PRDM15: variants seen among roughly 807,000 people sequenced by gnomAD.
The protein encoded by PRDM15 is PR domain zinc finger protein 15.
Under a neutral mutation model 128.6 loss-of-function variants are expected in PRDM15, and 64 were observed. The ratio of observed to expected loss-of-function variants is 0.50; its 90% CI spans 0.41 to 0.61. The LOEUF (loss-of-function observed/expected upper bound fraction) is 0.61, where lower values mean the gene tolerates loss of function less well. Among genes scored for constraint, PRDM15 ranks in the 20% least tolerant of loss-of-function variants. The probability of loss-of-function intolerance (pLI) is 0.00; values close to 1 mark genes in which losing one functional copy is unlikely to be tolerated. For missense variants in PRDM15, 1,242 were observed against 1,569.1 expected (o/e 0.79, Z 3.52); for synonymous variants, 615 against 621.8 (o/e 0.99, Z 0.16).
At chr21:41,839,969 A>G (rs2063023761) in intron 6 of PRDM15, 116 bp from the exon 7 acceptor site, 1 of 775,938 alleles carries the variant, frequency 1.3e-6, no homozygotes, top group Non-Finnish European at 2.1e-6. Context: ...CAACCTTTGT[A>G]TAGGCAAGTG....
At position 41,811,019 on chromosome 21, in the gene PRDM15, G is replaced by A; in HGVS notation, c.2393-183C>T. The A allele has an allele frequency of 1.7e-6, 1 of 579,598 alleles. No individual in the cohort carries two copies. 35.9% of individuals were successfully genotyped at this position (579,598 alleles called of 1,614,324 possible). A position where few individuals can be genotyped will look rare whatever the true frequency, so the allele number is the denominator to read the frequency against. On this transcript the variant is annotated intron_variant, in intron 19 of 23. Coordinates refer to ENST00000398548, the MANE Select transcript of PRDM15 (RefSeq NM_001040424.3). This position sits in a 1 kb window ranked among gnomAD's most constrained non-coding sequence, Gnocchi z 4.1. ...CGGCCAGCAAAGTGTGGCTTGGAAA[G>A]TTTATGCTTCCATAGTGACATTTCA...
At chr21:41,838,361 A>C (rs186632308) in intron 7 of PRDM15, among the ~76,000 whole-genome samples, 1 of 152,364 alleles carries the variant, frequency 6.6e-6, no homozygotes, top group Non-Finnish European at 1.5e-5. Flanking sequence ...CCAACCAAAA[A>C]CATTTTGGAT....
Position 41,836,526 on chromosome 21 carries a change from A to T in PRDM15, c.1125T>A (p.Asn375Lys). The change falls in exon 9 of 24, where the codon AAT (asparagine) becomes AAA (lysine). Residue 375 changes from asparagine to lysine, a missense_variant. Physicochemically the swap from Asn to Lys is moderately conservative, Grantham distance 94. Coordinates refer to ENST00000398548, the MANE Select transcript of PRDM15 (RefSeq NM_001040424.3). ...LGEHKRVYQC[N>K]ICSKIFQNSS... is the part of the protein sequence containing the mutation. The stretch of plus-strand genomic sequence containing the variant: ...TGTTCTGGAAGATCTTGCTGCAGAT[A>T]TTGCACTGGTAAACCCGCTTGTGCT... 6.2e-7 allele frequency: 1 copy of T among 1,612,556 alleles called. No homozygotes were observed. Among genetic ancestry groups the T allele is most frequent in the Non-Finnish European group, 8.5e-7 (1 of 1,179,942 alleles).
intron 12 of PRDM15, among the ~76,000 whole-genome samples, chr21:41,827,171 G>A (rs2062500108): frequency 6.6e-6 from 1 of 152,106 alleles, no homozygotes; most frequent in East Asian, 1.9e-4. Flanking sequence ...GAGGCCCTAA[G>A]TATACCACCC....
chr21:41,876,570 C>T (rs921895735), intron 1 of PRDM15, among the ~76,000 whole-genome samples: 24 of 152,204 alleles, frequency 1.6e-4, no homozygotes, highest in South Asian at 6.2e-4. Context: ...GCTGGGACCC[C>T]GCAGTTTCCA....
At chr21:41,802,600 G>A in intron 23 of PRDM15, 112 bp downstream of exon 23, 1 of 876,934 alleles carries the variant, frequency 1.1e-6, no homozygotes, top group Non-Finnish European at 1.9e-6. Flanking sequence ...ACCACATGAA[G>A]TCCACATGTA....
intron 7 of PRDM15, among the ~76,000 whole-genome samples, chr21:41,839,352 C>T (rs573075692): frequency 1.3e-4 from 20 of 152,352 alleles, no homozygotes; most frequent in African/African-American, 4.8e-4. Context: ...CAGAAATGTC[C>T]TCTACCCTGA....
chr21:41,878,805 G>A (rs1384051083), intron 1 of PRDM15: 2 of 1,239,412 alleles, frequency 1.6e-6, no homozygotes, highest in Admixed American at 7.8e-5. Flanking sequence ...GGGCCTCGGC[G>A]ACGACGCCGC....
chr21:41,837,846 C>G (rs1208174707), intron 8 of PRDM15, 88 bp downstream of exon 8: 1 of 1,450,586 alleles, frequency 6.9e-7, no homozygotes. Context: ...GGCTTTCCTG[C>G]TGGGAAGGTG....
intron 11 of PRDM15, among the ~76,000 whole-genome samples, chr21:41,835,214 A>G (rs920965512): frequency 6.6e-6 from 1 of 152,226 alleles, no homozygotes; most frequent in African/African-American, 2.4e-5. Flanking sequence ...TCGGCTGACA[A>G]ATGCAGGAAG....
In PRDM15 at chr21:41,862,151, T is replaced by C; in HGVS notation, c.-9-1779A>G. 1 of 665,846 alleles carries C rather than the reference T, an allele frequency of 1.5e-6. No homozygotes were observed. The highest frequency in any genetic ancestry group is 2.7e-6 in the Non-Finnish European group (1 of 370,364). 41.2% of individuals were successfully genotyped at this position (665,846 alleles called of 1,614,324 possible). A position where few individuals can be genotyped will look rare whatever the true frequency, so the allele number is the denominator to read the frequency against. On this transcript the variant is annotated intron_variant, in intron 1 of 23. Coordinates refer to ENST00000398548, the MANE Select transcript of PRDM15 (RefSeq NM_001040424.3). This position sits in a 1 kb window ranked among gnomAD's most constrained non-coding sequence, Gnocchi z 4.1. ...CGCACGCTTTCATGAGTTGCTGCTGTGCTACTGGAGGTGTAGGACCTGCGT... is the reference window on the plus strand; with the variant it reads ...CGCACGCTTTCATGAGTTGCTGCTGCGCTACTGGAGGTGTAGGACCTGCGT...
intron 1 of PRDM15, among the ~76,000 whole-genome samples, chr21:41,866,197 TAA>T (rs1354143140): frequency 6.6e-6 from 1 of 152,308 alleles, no homozygotes; most frequent in African/African-American, 2.4e-5. Context: ...TCCAGATAAT[TAA>T]GAGTGGTTGG....
rs192834522 is a variant in PRDM15, at chr21:41,873,272, G to A, written c.-10+5998C>T. The stretch of plus-strand genomic sequence containing the variant: ...GAAAGCACATTTTCCCGTAGTTTCC[G>A]TAGGAGGGCGCATGGGGGTATATCT... On this transcript the variant is annotated intron_variant, in intron 1 of 23. Coordinates refer to ENST00000398548, the MANE Select transcript of PRDM15 (RefSeq NM_001040424.3). 2.3e-3 allele frequency among the ~76,000 whole-genome samples: 347 copies of A among 152,270 alleles called. 1 individual carries two copies. Among genetic ancestry groups the A allele is most frequent in the Non-Finnish European group, 3.2e-3 (219 of 68,012 alleles).
At chr21:41,841,369 T>G (rs1287982890) in intron 6 of PRDM15, among the ~76,000 whole-genome samples, 1 of 152,210 alleles carries the variant, frequency 6.6e-6, no homozygotes, top group African/African-American at 2.4e-5. Context: ...ATCCCCAATG[T>G]GCAGAAAGAG....
intron 1 of PRDM15, among the ~76,000 whole-genome samples, chr21:41,868,913 C>G (rs1404463946): frequency 6.6e-6 from 1 of 152,168 alleles, no homozygotes. Flanking sequence ...TGGTCTCGAA[C>G]TCCTCACCTC....
chr21:41,837,833 T>C (rs2062945639), intron 8 of PRDM15, 101 bp downstream of exon 8: 1 of 1,336,472 alleles, frequency 7.5e-7, no homozygotes. Context: ...TCTCCTTCCC[T>C]GGGGCTTTCC....
At chr21:41,848,490 C>T (rs1447358984) in intron 5 of PRDM15, among the ~76,000 whole-genome samples, 1 of 152,224 alleles carries the variant, frequency 6.6e-6, no homozygotes, top group Non-Finnish European at 1.5e-5. Flanking sequence ...CGCTTGCTCT[C>T]TGAGAATCCG....
chr21:41,836,046 T>C, intron 10 of PRDM15, 67 bp downstream of exon 10: 2 of 918,964 alleles, frequency 2.2e-6, no homozygotes, highest in Non-Finnish European at 1.6e-6. Flanking sequence ...TACAACATGG[T>C]GATTTGGTCA....
intron 1 of PRDM15, chr21:41,871,504 G>C: frequency 2.5e-6 from 4 of 1,603,682 alleles, no homozygotes; most frequent in Non-Finnish European, 3.4e-6. Context: ...CAGGAGGTAG[G>C]GCAGGATTGC....
Sources: gnomAD v4.1 joint callset for allele counts (sites outside exome capture counted in the v4.1 genomes callset) on GRCh38, gnomAD v4.1.1 for gene constraint, Gnocchi (gnomAD v3.1) non-coding constraint, MANE v1.5 for transcripts, NCBI Gene and HGNC (gene_info 2026-07-23, HGNC 2026-07-21) for gene names.